Variants in CCDC166 observed in about 807,000 individuals in gnomAD.
The protein encoded by CCDC166 is coiled-coil domain-containing protein 166.
Under a neutral mutation model 14.4 loss-of-function variants are expected in CCDC166, and 17 were observed. The observed-to-expected ratio is 1.18, with a 90% CI of 0.81 to 1.77. CCDC166 has a LOEUF of 1.77. CCDC166 is among the 40% of genes most tolerant of loss of function. The pLI, the probability that CCDC166 is intolerant of heterozygous loss-of-function variation, is 0.00. For missense variants in CCDC166, 738 were observed against 665.8 expected (o/e 1.11, Z -1.19); for synonymous variants, 336 against 330.1 (o/e 1.02, Z -0.20).
rs782236010 is a variant in CCDC166 at position 143,706,908 on chromosome 8, C to T, written c.1106G>A (p.Arg369Gln). 71 of 1,550,156 alleles carry T rather than the reference C, an allele frequency of 4.6e-5. No homozygotes were observed. Among genetic ancestry groups the T allele is most frequent in the South Asian group, 4.2e-4 (35 of 84,046 alleles). The change falls in exon 2 of 2, where the codon CGG becomes CAG. Residue 369 changes from arginine to glutamine, a missense_variant. Transcript: ENST00000542437. ...PSLTASRAGSRALSLVQSLEG... is the reference protein window; with the variant it reads ...PSLTASRAGSQALSLVQSLEG... Reference sequence around the variant, plus strand: ...GAGTGACTGCACCAGCGACAGGGCCCGGGAGCCTGCGCGCGAAGCGGTCAG... The same window carrying T: ...GAGTGACTGCACCAGCGACAGGGCCTGGGAGCCTGCGCGCGAAGCGGTCAG...
In CCDC166 at chr8:143,708,100, T is replaced by G. The variant is rs1321038325; in HGVS notation, c.10A>C (p.Lys4Gln). The change falls in exon 1 of 2, where the codon AAG (lysine) becomes CAG (glutamine). Residue 4 changes from lysine to glutamine, a missense_variant. By Grantham distance (53) the Lys-to-Gln change is moderately conservative (BLOSUM62 1). Transcript: ENST00000542437. ...CCTGCGCTCGGCCCGCGCTTTTTCTTGGGCGCCATGGGTTGGTGCCTGGAC... is the reference window on the plus strand; with the variant it reads ...CCTGCGCTCGGCCCGCGCTTTTTCTGGGGCGCCATGGGTTGGTGCCTGGAC... MAP[K>Q]KKRGPSAGSQ... 5 of 1,435,938 alleles carry G rather than the reference T, an allele frequency of 3.5e-6. No individual in the cohort carries two copies. In the African/African-American group the frequency reaches 4.3e-5, roughly 12 times the overall value. The allele number at this position is 1,435,938 out of a possible 1,614,324, so 88.9% of individuals were successfully genotyped here. A position where few individuals can be genotyped will look rare whatever the true frequency, so the allele number is the denominator to read the frequency against.
chr8:143,707,092 A>G lies in CCDC166; in HGVS notation c.922T>C (p.Ser308Pro), dbSNP rs782412198. ...GACGGTACCACAGACGGGGTCTGGG[A>G]GGCCGCGCGCGACGGGCTTATGGGG... ...AAPISPSRAASQTPSVVPSRA... is the reference protein window; with the variant it reads ...AAPISPSRAAPQTPSVVPSRA... The change falls in exon 2 of 2, where the codon TCC becomes CCC. Residue 308 changes from serine to proline, a missense_variant. Ser to Pro is a moderately conservative substitution (Grantham distance 74). Coordinates refer to ENST00000542437, the MANE Select transcript of CCDC166 (RefSeq NM_001162914.1). The surrounding 1 kb of genome is among the most constrained non-coding windows in gnomAD (Gnocchi z 8.0). The G allele has an allele frequency of 3.9e-6, 6 of 1,522,476 alleles. No homozygotes were observed. Among genetic ancestry groups the G allele is most frequent in the East Asian group, 2.5e-5 (1 of 40,554 alleles). 94.3% of individuals were successfully genotyped at this position (1,522,476 alleles called of 1,614,324 possible).
Position 143,707,350 on chromosome 8 carries a change from C to T in CCDC166, c.664G>A (p.Ala222Thr), listed in dbSNP as rs1478953941. 4 of 1,405,298 alleles carry T rather than the reference C, an allele frequency of 2.8e-6. No homozygotes were observed. The highest frequency in any genetic ancestry group is 3.7e-6 in the Non-Finnish European group (4 of 1,085,268). The allele number at this position is 1,405,298 out of a possible 1,614,324, so 87.1% of individuals were successfully genotyped here. ...TCCTGCCGCAGGCGTCCGTTGTCCGCTTTGATGGCCTGCGTGTGCGCCACA... is the reference window on the plus strand; with the variant it reads ...TCCTGCCGCAGGCGTCCGTTGTCCGTTTTGATGGCCTGCGTGTGCGCCACA... ...ALVAHTQAIK[A>T]DNGRLRQELL... Residue 222 changes from alanine (A) to threonine (T), a missense_variant, in exon 2 of 2, where the codon GCG becomes ACG. By Grantham distance (58) the Ala-to-Thr change is moderately conservative. Transcript: ENST00000542437. This position sits in a 1 kb window ranked among gnomAD's most constrained non-coding sequence, Gnocchi z 8.0.
In CCDC166 at chr8:143,707,414, T is replaced by G; in HGVS notation, c.600A>C (p.Ser200=). The change falls in exon 2 of 2, where the codon TCA becomes TCC. Residue 200 remains serine, a synonymous_variant. Transcript: ENST00000542437. This position sits in a 1 kb window ranked among gnomAD's most constrained non-coding sequence, Gnocchi z 8.0. ...FEREARQRVQ[S]LARRAEREAV... ...CCTCCCGCTCCGCGCGCCGCGCCAG[T>G]GACTGCACGCGCTGACGCGCCTCGC... The G allele has an allele frequency of 1.4e-6, 2 of 1,454,572 alleles. No individual in the cohort carries two copies. The highest frequency in any genetic ancestry group is 3.0e-5 in the East Asian group (1 of 33,546). 90.1% of individuals were successfully genotyped at this position (1,454,572 alleles called of 1,614,324 possible).
rs1423734918 is a variant in CCDC166, at chr8:143,708,063, C to T, written c.47G>A (p.Gly16Asp). Residue 16 changes from glycine to aspartate, a missense_variant, in exon 1 of 2, where the codon GGT becomes GAT. By Grantham distance (94) the Gly-to-Asp change is moderately conservative (BLOSUM62 -1). Transcript: ENST00000542437. ...CTCGGCACCCGCGGCCGCCGCACCACCTGGCTGGCTCCCTGCGCTCGGCCC... is the reference window on the plus strand; with the variant it reads ...CTCGGCACCCGCGGCCGCCGCACCATCTGGCTGGCTCCCTGCGCTCGGCCC... ...KRGPSAGSQP[G>D]GAAAAGAEQP... 2.6e-5 allele frequency: 39 copies of T among 1,478,804 alleles called. No individual in the cohort carries two copies. The East Asian group carries it at 6.8e-4, about 26-fold the overall frequency. 91.6% of individuals were successfully genotyped at this position (1,478,804 alleles called of 1,614,324 possible).
Position 143,707,782 on chromosome 8 carries a change from C to T in CCDC166, c.328G>A (p.Ala110Thr). 1 of 1,540,170 alleles carries T rather than the reference C, an allele frequency of 6.5e-7. No individual in the cohort carries two copies. Among genetic ancestry groups the T allele is most frequent in the South Asian group, 1.2e-5 (1 of 84,018 alleles). Residue 110 changes from alanine (A) to threonine (T), a missense_variant, in exon 1 of 2, where the codon GCG becomes ACG. Coordinates refer to ENST00000542437, the MANE Select transcript of CCDC166 (RefSeq NM_001162914.1). The surrounding 1 kb of genome is among the most constrained non-coding windows in gnomAD (Gnocchi z 8.0). ...CCGTGGTAGAGCGAGGCCAGTTCCG[C>T]CCGCTGCCAGTGGATCTGCGCTAGG... Reference protein sequence around the residue: ...VDLAQIHWQRAELASLYHGRE... With the variant: ...VDLAQIHWQRTELASLYHGRE...
chr8:143,707,075 C>T lies in CCDC166; in HGVS notation c.939G>A (p.Val313=), dbSNP rs1398002140. 2 of 1,531,380 alleles carry T rather than the reference C, an allele frequency of 1.3e-6. No individual in the cohort carries two copies. The highest frequency in any genetic ancestry group is 1.4e-5 in the African/African-American group (1 of 72,598). The allele number at this position is 1,531,380 out of a possible 1,614,324, so 94.9% of individuals were successfully genotyped here. The part of the protein sequence containing the change: ...PSRAASQTPS[V]VPSRAAPRAS... ...CCCGGGGGGCCGCGCGCGACGGTAC[C>T]ACAGACGGGGTCTGGGAGGCCGCGC... The change falls in exon 2 of 2, where the codon GTG becomes GTA. Residue 313 remains valine (V), a synonymous_variant. Coordinates refer to ENST00000542437, the MANE Select transcript of CCDC166 (RefSeq NM_001162914.1). This position sits in a 1 kb window ranked among gnomAD's most constrained non-coding sequence, Gnocchi z 8.0.
rs781866675 is a variant in CCDC166, at chr8:143,706,783, G to A, written c.1231C>T (p.Arg411Trp). Reference sequence around the variant, plus strand: ...GGGAGAAGAGCCGGATCCCGATCCCGGGACAGGCCAGAGAGAAGCTTGGGG... The same window carrying A: ...GGGAGAAGAGCCGGATCCCGATCCCAGGACAGGCCAGAGAGAAGCTTGGGG... ...SGPKLLSGLS[R>W]DRDPALLPPQ... Residue 411 changes from arginine to tryptophan, a missense_variant, in exon 2 of 2, where the codon CGG becomes TGG. Arg to Trp is a moderately radical substitution (Grantham distance 101). Coordinates refer to ENST00000542437, the MANE Select transcript of CCDC166 (RefSeq NM_001162914.1). 9 of 1,550,946 alleles carry A rather than the reference G, an allele frequency of 5.8e-6. No homozygotes were observed. The highest frequency in any genetic ancestry group is 4.9e-5 in the East Asian group (2 of 40,908).
chr8:143,707,931 G>C lies in CCDC166; in HGVS notation c.179C>G (p.Ala60Gly). 2.0e-6 allele frequency: 3 copies of C among 1,537,460 alleles called. No individual in the cohort carries two copies. The highest frequency in any genetic ancestry group is 2.6e-6 in the Non-Finnish European group (3 of 1,146,608). ...ESVDQVLREN[A>G]FLDREALRLR... ...GCGCAGCGCCTCGCGGTCCAGGAAG[G>C]CGTTCTCTCGCAGCACCTGGTCAAC... The change falls in exon 1 of 2, where the codon GCC becomes GGC. Residue 60 changes from alanine to glycine, a missense_variant. Physicochemically the swap from Ala to Gly is moderately conservative, Grantham distance 60 (BLOSUM62 0). Coordinates refer to ENST00000542437, the MANE Select transcript of CCDC166 (RefSeq NM_001162914.1). The surrounding 1 kb of genome is among the most constrained non-coding windows in gnomAD (Gnocchi z 8.0).
rs1817569317 is a variant in CCDC166, at chr8:143,707,848, C to T, written c.262G>A (p.Ala88Thr). The change falls in exon 1 of 2, where the codon GCC becomes ACC. Residue 88 changes from alanine to threonine, a missense_variant. Physicochemically the swap from Ala to Thr is moderately conservative, Grantham distance 58. Transcript: ENST00000542437. The surrounding 1 kb of genome is among the most constrained non-coding windows in gnomAD (Gnocchi z 8.0). The stretch of plus-strand genomic sequence containing the variant: ...TCGTCCAGCCGGACGATGGCTTTGG[C>T]GCAGCGCTGGGCGCGCGCGCTCACG... ...SYVSARAQRC[A>T]KAIVRLDEQN... 1.3e-6 allele frequency: 2 copies of T among 1,538,404 alleles called. No individual in the cohort carries two copies. Among genetic ancestry groups the T allele is most frequent in the South Asian group, 2.4e-5 (2 of 83,978 alleles).
chr8:143,707,834 G>A lies in CCDC166; in HGVS notation c.276C>T (p.Val92=). The part of the protein sequence containing the change: ...ARAQRCAKAI[V]RLDEQNRVDL... ...CCACGCGGTTCTGCTCGTCCAGCCG[G>A]ACGATGGCTTTGGCGCAGCGCTGGG... The change falls in exon 1 of 2, where the codon GTC becomes GTT. Residue 92 remains valine (V), a synonymous_variant. Transcript: ENST00000542437. The surrounding 1 kb of genome is among the most constrained non-coding windows in gnomAD (Gnocchi z 8.0). 1 of 1,539,190 alleles carries A rather than the reference G, an allele frequency of 6.5e-7. No individual in the cohort carries two copies. Among genetic ancestry groups the A allele is most frequent in the Non-Finnish European group, 8.7e-7 (1 of 1,146,004 alleles).
In CCDC166 at chr8:143,707,903, C is replaced by A; in HGVS notation, c.207G>T (p.Leu69=). The change falls in exon 1 of 2, where the codon CTG becomes CTT. Residue 69 remains leucine, a synonymous_variant. Coordinates refer to ENST00000542437, the MANE Select transcript of CCDC166 (RefSeq NM_001162914.1). The surrounding 1 kb of genome is among the most constrained non-coding windows in gnomAD (Gnocchi z 8.0). Reference sequence around the variant, plus strand: ...TGGCGTAGAGCCGGTTCTCCTCGCGCAGGCGCAGCGCCTCGCGGTCCAGGA... The same window carrying A: ...TGGCGTAGAGCCGGTTCTCCTCGCGAAGGCGCAGCGCCTCGCGGTCCAGGA... The part of the protein sequence containing the change: ...NAFLDREALR[L]REENRLYASY... 6.5e-7 allele frequency: 1 copy of A among 1,537,716 alleles called. No individual in the cohort carries two copies. The highest frequency in any genetic ancestry group is 8.7e-7 in the Non-Finnish European group (1 of 1,146,566).
Position 143,706,927 on chromosome 8 carries a change from C to T in CCDC166, c.1087G>A (p.Ala363Thr), listed in dbSNP as rs1421300705. 3 of 1,549,030 alleles carry T rather than the reference C, an allele frequency of 1.9e-6. No individual in the cohort carries two copies. The highest frequency in any genetic ancestry group is 2.6e-6 in the Non-Finnish European group (3 of 1,146,864). Residue 363 changes from alanine to threonine, a missense_variant, in exon 2 of 2, where the codon GCT becomes ACT. Physicochemically the swap from Ala to Thr is moderately conservative, Grantham distance 58. Transcript: ENST00000542437. ...AGGGCCCGGGAGCCTGCGCGCGAAG[C>T]GGTCAGGGATGGCATCCGGGATCCC... The part of the protein sequence containing the change: ...KVGSRMPSLT[A>T]SRAGSRALSL...
In CCDC166 at chr8:143,707,150, G is replaced by A. The variant is rs1465704703; in HGVS notation, c.864C>T (p.Ser288=). 2.8e-6 allele frequency: 4 copies of A among 1,419,594 alleles called. No homozygotes were observed. The highest frequency in any genetic ancestry group is 3.6e-6 in the Non-Finnish European group (4 of 1,097,304). 87.9% of individuals were successfully genotyped at this position (1,419,594 alleles called of 1,614,324 possible). ...ATGACCCGGGGCGCGAGGTGGGCTGGGAGAAGGCCGGCCGCTCCCAGAGCG... is the reference window on the plus strand; with the variant it reads ...ATGACCCGGGGCGCGAGGTGGGCTGAGAGAAGGCCGGCCGCTCCCAGAGCG... ...GPPLWERPAF[S]QPTSRPGSLA... Residue 288 remains serine (S), a synonymous_variant, in exon 2 of 2, where the codon TCC becomes TCT. Transcript: ENST00000542437. The surrounding 1 kb of genome is among the most constrained non-coding windows in gnomAD (Gnocchi z 8.0).
chr8:143,707,379 G>A lies in CCDC166; in HGVS notation c.635C>T (p.Ala212Val), dbSNP rs781789909. 2.8e-6 allele frequency: 4 copies of A among 1,414,136 alleles called. No individual in the cohort carries two copies. Among genetic ancestry groups the A allele is most frequent in the Non-Finnish European group, 2.7e-6 (3 of 1,091,752 alleles). The allele number at this position is 1,414,136 out of a possible 1,614,324, so 87.6% of individuals were successfully genotyped here. The part of the protein sequence containing the change: ...ARRAEREAVR[A>V]LVAHTQAIKA... ...GATGGCCTGCGTGTGCGCCACAAGC[G>A]CGCGCACCGCCTCCCGCTCCGCGCG... Residue 212 changes from alanine to valine, a missense_variant, in exon 2 of 2, where the codon GCG becomes GTG. Physicochemically the swap from Ala to Val is moderately conservative, Grantham distance 64. Coordinates refer to ENST00000542437, the MANE Select transcript of CCDC166 (RefSeq NM_001162914.1). The surrounding 1 kb of genome is among the most constrained non-coding windows in gnomAD (Gnocchi z 8.0).
In CCDC166 at chr8:143,707,825, G is replaced by A; in HGVS notation, c.285C>T (p.Asp95=). 1.9e-6 allele frequency: 3 copies of A among 1,539,498 alleles called. No homozygotes were observed. Among genetic ancestry groups the A allele is most frequent in the South Asian group, 2.4e-5 (2 of 84,008 alleles). Residue 95 remains aspartate, a synonymous_variant, in exon 1 of 2, where the codon GAC becomes GAT. Coordinates refer to ENST00000542437, the MANE Select transcript of CCDC166 (RefSeq NM_001162914.1). This position sits in a 1 kb window ranked among gnomAD's most constrained non-coding sequence, Gnocchi z 8.0. ...GCGCTAGGTCCACGCGGTTCTGCTC[G>A]TCCAGCCGGACGATGGCTTTGGCGC... ...QRCAKAIVRL[D]EQNRVDLAQI...
At position 143,707,574 on chromosome 8, in the gene CCDC166, G is replaced by A. The variant is rs1033544208; in HGVS notation, c.445-5C>T. 5 of 1,325,346 alleles carry A rather than the reference G, an allele frequency of 3.8e-6. No individual in the cohort carries two copies. The African/African-American group carries it at 6.2e-5, about 16-fold the overall frequency. 82.1% of individuals were successfully genotyped at this position (1,325,346 alleles called of 1,614,324 possible). On this transcript the variant is annotated splice_region_variant and splice_polypyrimidine_tract_variant and intron_variant, in intron 1 of 1. Transcript: ENST00000542437. This position sits in a 1 kb window ranked among gnomAD's most constrained non-coding sequence, Gnocchi z 8.0. The stretch of plus-strand genomic sequence containing the variant: ...CAGCTGCTCCAGCTGCAGCACCTGC[G>A]GCGGGGGCGCCGTCAGCTCACCCCC...
chr8:143,706,750 A>G lies in CCDC166; in HGVS notation c.1264T>C (p.Ser422Pro), dbSNP rs1554616574. ...GCTTCAGCGTTCACGCTGTCCTCCG[A>G]CTGTGGGGGGAGAAGAGCCGGATCC... ...DRDPALLPPQ[S>P]EDSVNAEAAA... Residue 422 changes from serine to proline, a missense_variant, in exon 2 of 2, where the codon TCG (serine) becomes CCG (proline). Physicochemically the swap from Ser to Pro is moderately conservative, Grantham distance 74. Coordinates refer to ENST00000542437, the MANE Select transcript of CCDC166 (RefSeq NM_001162914.1). 4 of 1,550,652 alleles carry G rather than the reference A, an allele frequency of 2.6e-6. No individual in the cohort carries two copies. Among genetic ancestry groups the G allele is most frequent in the Non-Finnish European group, 3.5e-6 (4 of 1,146,870 alleles).
Position 143,706,826 on chromosome 8 carries a change from G to A in CCDC166, c.1188C>T (p.Leu396=). 6.4e-7 allele frequency: 1 copy of A among 1,551,116 alleles called. No individual in the cohort carries two copies. The highest frequency in any genetic ancestry group is 1.2e-5 in the South Asian group (1 of 84,068). The part of the protein sequence containing the change: ...SSPRVSSQDT[L]RSTKSGPKLL... The stretch of plus-strand genomic sequence containing the variant: ...GCTTGGGGCCAGACTTCGTGGAGCG[G>A]AGAGTGTCCTGTGAGGACACCCTCG... Residue 396 remains leucine (L), a synonymous_variant, in exon 2 of 2, where the codon CTC becomes CTT. Transcript: ENST00000542437.
Sources: gnomAD v4.1 joint callset for allele counts on GRCh38, gnomAD v4.1.1 for gene constraint, Gnocchi (gnomAD v3.1) non-coding constraint, MANE v1.5 for transcripts, NCBI Gene and HGNC (gene_info 2026-07-23, HGNC 2026-07-21) for gene names.